The following GABRB1 variants were observed in gnomAD, a reference collection of about 807,000 sequenced individuals.
GABRB1 encodes gamma-aminobutyric acid type A receptor subunit beta1.
GABRB1 carries 17 observed loss-of-function variants against 51.6 expected under a neutral mutation model. The observed-to-expected ratio is 0.33, with a 90% confidence interval of 0.23 to 0.49. GABRB1 has a LOEUF of 0.49. GABRB1 is among the 20% of genes least tolerant of loss of function. GABRB1 has a pLI of 0.99. For missense variants in GABRB1, 410 were observed against 600.6 expected, an observed-to-expected ratio of 0.68 and a Z score of 3.32; for synonymous variants, 247 against 218.9, an observed-to-expected ratio of 1.13 and a Z score of -1.14.
upstream of GABRB1, among the ~76,000 whole-genome samples, chr4:47,029,376 T>C (rs1430301750): frequency 6.6e-6 from 1 of 151,948 alleles, no homozygotes. Flanking sequence ...TACAATTCCT[T>C]TAATTTGCAA....
At chr4:47,036,752 C>T (rs1725587319) in intron 3 of GABRB1, among the ~76,000 whole-genome samples, 1 of 151,918 alleles carries the variant, frequency 6.6e-6, no homozygotes, top group South Asian at 2.1e-4. Flanking sequence ...GTTCCAGCTA[C>T]TCTGGAAGCT....
intron 8 of GABRB1, among the ~76,000 whole-genome samples, chr4:47,412,729 GA>G (rs936107434): frequency 1.6e-4 from 25 of 152,196 alleles, no homozygotes; most frequent in African/African-American, 5.8e-4. Flanking sequence ...CCTGCAGAGA[GA>G]GGGGTCCCAA....
chr4:47,104,859 C>G (rs1714888191), intron 3 of GABRB1, among the ~76,000 whole-genome samples: 1 of 151,966 alleles, frequency 6.6e-6, no homozygotes, highest in Admixed American at 6.6e-5. Context: ...CTGTTTGGGC[C>G]TCCCACATAT....
chr4:47,037,217 A>G (rs1725617376), intron 3 of GABRB1, among the ~76,000 whole-genome samples: 1 of 152,196 alleles, frequency 6.6e-6, no homozygotes, highest in East Asian at 1.9e-4. Flanking sequence ...AATAAAGAAC[A>G]TTGCAAACTG....
chr4:47,079,826 C>T (rs1406319687), intron 3 of GABRB1, among the ~76,000 whole-genome samples: 1 of 121,018 alleles, frequency 8.3e-6, no homozygotes, highest in Non-Finnish European at 1.6e-5. Context: ...GGAAGGGGAA[C>T]ATCACACACT....
intron 4 of GABRB1, among the ~76,000 whole-genome samples, chr4:47,167,392 GC>G (rs1718233787): frequency 6.6e-6 from 1 of 151,724 alleles, no homozygotes. Context: ...ATTTAGTGGA[GC>G]ATTTAACCTC....
At chr4:47,004,723 A>T (rs185353119) in intron 1 of GABRB1, among the ~76,000 whole-genome samples, 5 of 143,986 alleles carry the variant, frequency 3.5e-5, no homozygotes, top group Admixed American at 3.3e-4. Flanking sequence ...AAAACAGATG[A>T]CACAGTCTCT....
At chr4:47,063,296 A>C (rs1392584358) in intron 3 of GABRB1, among the ~76,000 whole-genome samples, 1 of 152,182 alleles carries the variant, frequency 6.6e-6, no homozygotes, top group Non-Finnish European at 1.5e-5. Flanking sequence ...AGTGAATACA[A>C]ACATTGGATA....
chr4:47,122,846 T>G (rs541914328), intron 3 of GABRB1, among the ~76,000 whole-genome samples: 1 of 152,298 alleles, frequency 6.6e-6, no homozygotes, highest in African/African-American at 2.4e-5. Context: ...CTTCTTCCCC[T>G]AGCCTTGAAG....
At chr4:47,180,067 A>G (rs1381164519) in intron 4 of GABRB1, among the ~76,000 whole-genome samples, 1 of 152,106 alleles carries the variant, frequency 6.6e-6, no homozygotes, top group Non-Finnish European at 1.5e-5. Context: ...AGAGGATGTC[A>G]ATCTCTTTGA....
chr4:47,297,901 T>G (rs1230667066), intron 4 of GABRB1, among the ~76,000 whole-genome samples: 1 of 152,202 alleles, frequency 6.6e-6, no homozygotes, highest in African/African-American at 2.4e-5. Context: ...CATGATCAAG[T>G]GGGCTTCATC....
At chr4:47,086,118 G>A (rs186591083) in intron 3 of GABRB1, among the ~76,000 whole-genome samples, 1 of 152,324 alleles carries the variant, frequency 6.6e-6, no homozygotes, top group East Asian at 1.9e-4. Context: ...TAACATCCCT[G>A]ATTTTAAATA....
At chr4:47,030,773 C>T (rs1725263984), upstream of GABRB1, among the ~76,000 whole-genome samples, 1 of 152,158 alleles carries the variant, frequency 6.6e-6, no homozygotes, top group African/African-American at 2.4e-5. Context: ...CTAGGGGTCA[C>T]AAATACCACC....
intron 4 of GABRB1, among the ~76,000 whole-genome samples, chr4:47,291,077 G>T (rs552080395): frequency 1.3e-5 from 2 of 152,156 alleles, no homozygotes; most frequent in Non-Finnish European, 2.9e-5. Context: ...CCCATCAAGG[G>T]CTAGGAGGCC....
chr4:47,175,563 C>A (rs1718659879), intron 4 of GABRB1, among the ~76,000 whole-genome samples: 1 of 152,054 alleles, frequency 6.6e-6, no homozygotes, highest in Non-Finnish European at 1.5e-5. Context: ...AAAGTTAACC[C>A]CTTATATGAA....
chr4:47,049,610 C>T (rs1292172623), intron 3 of GABRB1, among the ~76,000 whole-genome samples: 1 of 152,112 alleles, frequency 6.6e-6, no homozygotes, highest in African/African-American at 2.4e-5. Flanking sequence ...TACCACATAG[C>T]TTACAGGAGG....
intron 3 of GABRB1, among the ~76,000 whole-genome samples, chr4:47,065,676 C>G (rs1200820595): frequency 6.6e-6 from 1 of 152,104 alleles, no homozygotes. Context: ...TCAAATTAGC[C>G]AAACACTGTA....
At chr4:47,206,863 T>C (rs748182142) in intron 4 of GABRB1, among the ~76,000 whole-genome samples, 43 of 151,492 alleles carry the variant, frequency 2.8e-4, no homozygotes, top group Non-Finnish European at 4.6e-4. Context: ...TATATGTATA[T>C]ATATGTGTGT....
intron 8 of GABRB1, among the ~76,000 whole-genome samples, chr4:47,409,458 C>A (rs566038987): frequency 6.6e-6 from 1 of 152,288 alleles, no homozygotes; most frequent in South Asian, 2.1e-4. Context: ...CTCCGACCAT[C>A]TCCAGCCAAA....
Sources: gnomAD v4.1 joint callset for allele counts (sites outside exome capture counted in the v4.1 genomes callset) on GRCh38, gnomAD v4.1.1 for gene constraint, MANE v1.5 for transcripts, NCBI Gene and HGNC (gene_info 2026-07-23, HGNC 2026-07-21) for gene names.